The following CCDC27 variants were observed in gnomAD, a reference collection of about 807,000 sequenced individuals.
CCDC27 encodes the protein coiled-coil domain containing 27, also known as coiled-coil domain-containing protein 27.
A neutral mutation model predicts 80.3 loss-of-function variants in CCDC27; 80 were observed. That is an observed-to-expected ratio of 1.00 (90% CI 0.83 to 1.20). The LOEUF is 1.20. Among genes scored for constraint, CCDC27 ranks in the 50% most tolerant of loss-of-function variants. CCDC27 has a pLI of 0.00. For missense variants in CCDC27, 815 were observed against 809.4 expected (o/e 1.01, Z -0.08); for synonymous variants, 342 against 334.3 (o/e 1.02, Z -0.25).
chr1:3,758,846 C>T (rs574755961), intron 4 of CCDC27, among the ~76,000 whole-genome samples: 1 of 152,298 alleles, frequency 6.6e-6, no homozygotes, highest in Admixed American at 6.5e-5. Flanking sequence ...ATCCTCTTGC[C>T]TCAGCCTCCC....
At chr1:3,762,907 C>A in intron 6 of CCDC27, 195 bp downstream of exon 6, 1 of 792,952 alleles carries the variant, frequency 1.3e-6, no homozygotes, top group Non-Finnish European at 1.9e-6. Flanking sequence ...AGTCTACTGA[C>A]AGAGGGAGGA....
chr1:3,755,169 T>C (rs1356287341), intron 2 of CCDC27, among the ~76,000 whole-genome samples: 3 of 152,200 alleles, frequency 2.0e-5, no homozygotes, highest in South Asian at 2.1e-4. Flanking sequence ...GTTCGACTTT[T>C]AGGAGGCACA....
chr1:3,756,458 G>A (rs534628695), intron 3 of CCDC27: 3 of 310,542 alleles, frequency 9.7e-6, no homozygotes, highest in South Asian at 4.3e-5. Context: ...GCTCCGGCTC[G>A]TTTGTCCTGG....
At chr1:3,755,420 G>A (rs188316772) in intron 2 of CCDC27, 37 bp from the exon 3 acceptor site, 48 of 1,538,896 alleles carry the variant, frequency 3.1e-5, no homozygotes, top group African/African-American at 8.2e-5. Context: ...AGACAAGACC[G>A]CAGCAGTCAC....
Position 3,766,902 on chromosome 1 carries a change from G to A in CCDC27, c.1530+290G>A, listed in dbSNP as rs540101905. On this transcript the variant is annotated intron_variant, in intron 9 of 11. Coordinates refer to ENST00000294600, the MANE Select transcript of CCDC27 (RefSeq NM_152492.3). The surrounding 1 kb of genome is among the most constrained non-coding windows in gnomAD (Gnocchi z 6.1). Reference sequence around the variant, plus strand: ...CGTCACCAGGCTGGAGTGCAGTGGTGTGATCTCAGCTCACTGCAACCTCCG... The same window carrying A: ...CGTCACCAGGCTGGAGTGCAGTGGTATGATCTCAGCTCACTGCAACCTCCG... 7.0e-6 allele frequency among the ~76,000 whole-genome samples: 1 copy of A among 143,264 alleles called. No individual in the cohort carries two copies. The highest frequency in any genetic ancestry group is 2.3e-4 in the South Asian group (1 of 4,424). 94.0% of individuals were successfully genotyped at this position (143,264 alleles called of 152,430 possible). A position where few individuals can be genotyped will look rare whatever the true frequency, so the allele number is the denominator to read the frequency against.
In CCDC27 at chr1:3,766,588, A is replaced by T. The variant is rs1230989514; in HGVS notation, c.1506A>T (p.Glu502Asp). 2.5e-6 allele frequency: 4 copies of T among 1,613,812 alleles called. No homozygotes were observed. The change falls in exon 9 of 12, where the codon GAA becomes GAT. Residue 502 changes from glutamate (E) to aspartate (D), a missense_variant. Transcript: ENST00000294600. This position sits in a 1 kb window ranked among gnomAD's most constrained non-coding sequence, Gnocchi z 6.1. ...ACCAAGAGATGATGGGGCTCATTGA[A>T]AAGGACAACCAGCTCCTCCGACAGG... ...KKHQEMMGLI[E>D]KDNQLLRQQV...
chr1:3,756,857 G>C lies in CCDC27; in HGVS notation c.678G>C (p.Arg226Ser). The change falls in exon 4 of 12, where the codon AGG (arginine) becomes AGC (serine). Residue 226 changes from arginine (R) to serine (S), a missense_variant. Transcript: ENST00000294600. Reference protein sequence around the residue: ...SVASQSCLRKRMPWYLSVIHE... With the variant: ...SVASQSCLRKSMPWYLSVIHE... ...CATCTCAGAGCTGCCTGAGAAAGAG[G>C]ATGCCCTGGTACCTCTCAGTCATCC... is the stretch of plus-strand genomic sequence containing the variant. 6.2e-7 allele frequency: 1 copy of C among 1,613,700 alleles called. No individual in the cohort carries two copies.
In CCDC27 at chr1:3,771,466, C is replaced by T. The variant is rs3737592; in HGVS notation, c.1914C>T (p.Pro638=). The change falls in exon 12 of 12, where the codon CCC becomes CCT. Residue 638 remains proline, a synonymous_variant. Transcript: ENST00000294600. ...AGCAGAAAGGCGTCAAAGTGCCCCCCCTGCAACAGTCAGAGGCCTTCCTGA... is the reference window on the plus strand; with the variant it reads ...AGCAGAAAGGCGTCAAAGTGCCCCCTCTGCAACAGTCAGAGGCCTTCCTGA... The part of the protein sequence containing the change: ...QLKQKGVKVP[P]LQQSEAFLTS... The T allele has an allele frequency of 3.3e-4, 525 of 1,613,974 alleles. No homozygotes were observed. Among genetic ancestry groups the T allele is most frequent in the Non-Finnish European group, 4.2e-4 (496 of 1,179,978 alleles).
At chr1:3,767,501 C>T in intron 10 of CCDC27, 56 bp downstream of exon 10, 2 of 1,485,442 alleles carry the variant, frequency 1.3e-6, no homozygotes, top group Non-Finnish European at 1.8e-6. Flanking sequence ...GCCGAGCACC[C>T]AGGCCTCTGC....
Position 3,766,134 on chromosome 1 carries a change from G to T in CCDC27, c.1453-401G>T. 6.6e-6 allele frequency among the ~76,000 whole-genome samples: 1 copy of T among 152,170 alleles called. No homozygotes were observed. The highest frequency in any genetic ancestry group is 6.5e-5 in the Admixed American group (1 of 15,274). On this transcript the variant is annotated intron_variant, in intron 8 of 11. Transcript: ENST00000294600. The surrounding 1 kb of genome is among the most constrained non-coding windows in gnomAD (Gnocchi z 6.1). ...ACCCACCTCAGCCTTCTAAAGTGCT[G>T]GGATTACAGGTGTGAGCCACTGCAC...
chr1:3,761,344 C>T lies in CCDC27; in HGVS notation c.775C>T (p.Gln259Ter), dbSNP rs1346707175. The change falls in exon 5 of 12, where the codon CAG (glutamine) becomes TAG (stop). Residue 259 changes from glutamine (Q) to a stop codon, truncating the protein, a stop_gained. Coordinates refer to ENST00000294600, the MANE Select transcript of CCDC27 (RefSeq NM_152492.3). LOFTEE classifies it high-confidence loss of function. This position sits in a 1 kb window ranked among gnomAD's most constrained non-coding sequence, Gnocchi z 5.0. ...GAAAGACGAGGAGATCCTGCTGCTCCAGGAGGAGAGGGAGGCCCTGAAGAT... is the reference window on the plus strand; with the variant it reads ...GAAAGACGAGGAGATCCTGCTGCTCTAGGAGGAGAGGGAGGCCCTGAAGAT... Reference protein sequence around the residue: ...QKKDEEILLLQEEREALKMQL... With the variant: ...QKKDEEILLL The T allele has an allele frequency of 1.2e-6, 2 of 1,614,160 alleles. No homozygotes were observed. Among genetic ancestry groups the T allele is most frequent in the Non-Finnish European group, 1.7e-6 (2 of 1,180,040 alleles).
chr1:3,760,118 CCCTT>C lies in CCDC27; in HGVS notation c.712-1160_712-1157del, dbSNP rs1183205376. Among the ~76,000 whole-genome samples the C allele has an allele frequency of 1.3e-5, 2 of 152,208 alleles. No homozygotes were observed. The highest frequency in any genetic ancestry group is 2.9e-5 in the Non-Finnish European group (2 of 68,036). The stretch of plus-strand genomic sequence containing the variant: ...GCAGCTCTAACAGGAAATCGGATCT[CCCTT>C]CCAGCAGTCCTTGCACTATTTTGAG... On this transcript the variant is annotated intron_variant, in intron 4 of 11. Transcript: ENST00000294600. The surrounding 1 kb of genome is among the most constrained non-coding windows in gnomAD (Gnocchi z 4.3).
chr1:3,761,067 C>T lies in CCDC27; in HGVS notation c.712-214C>T, dbSNP rs1643072557. Among the ~76,000 whole-genome samples, 1 of 152,180 alleles carries T rather than the reference C, an allele frequency of 6.6e-6. No homozygotes were observed. Among genetic ancestry groups the T allele is most frequent in the Non-Finnish European group, 1.5e-5 (1 of 68,032 alleles). On this transcript the variant is annotated intron_variant, in intron 4 of 11. Transcript: ENST00000294600. This position sits in a 1 kb window ranked among gnomAD's most constrained non-coding sequence, Gnocchi z 5.0. ...GATGGGTGCAGAGGCGCTGGAGGTGCCAGGCATGGCTGCAGTAAAGAGCTG... is the reference window on the plus strand; with the variant it reads ...GATGGGTGCAGAGGCGCTGGAGGTGTCAGGCATGGCTGCAGTAAAGAGCTG...
At position 3,768,348 on chromosome 1, in the gene CCDC27, T is replaced by TG. The variant is rs1643283549; in HGVS notation, c.1743+905dup. 6.6e-6 allele frequency among the ~76,000 whole-genome samples: 1 copy of TG among 152,144 alleles called. No homozygotes were observed. The highest frequency in any genetic ancestry group is 1.5e-5 in the Non-Finnish European group (1 of 68,036). The stretch of plus-strand genomic sequence containing the variant: ...CTGGGCTCCAGCAATCTGCCTGCCT[T>TG]GGCCTCCCGAAGTGTTGGGAATACA... On this transcript the variant is annotated intron_variant, in intron 10 of 11. Coordinates refer to ENST00000294600, the MANE Select transcript of CCDC27 (RefSeq NM_152492.3). The surrounding 1 kb of genome is among the most constrained non-coding windows in gnomAD (Gnocchi z 5.6).
chr1:3,763,185 A>AGG lies in CCDC27; in HGVS notation c.1035_1036dup (p.Glu346GlyfsTer15). 6.6e-7 allele frequency: 1 copy of AGG among 1,511,620 alleles called. No individual in the cohort carries two copies. Among genetic ancestry groups the AGG allele is most frequent in the Non-Finnish European group, 8.9e-7 (1 of 1,127,012 alleles). The allele number at this position is 1,511,620 out of a possible 1,614,324, so 93.6% of individuals were successfully genotyped here. A position where few individuals can be genotyped will look rare whatever the true frequency, so the allele number is the denominator to read the frequency against. ...GTGGCGAGGAGGACGAGGGCCTGGA[A>AGG]GGGGAGCCCGATGGGGTGGAGGACA... On this transcript the variant is annotated frameshift_variant, in exon 7 of 12. Transcript: ENST00000294600. LOFTEE classifies it high-confidence loss of function. This position sits in a 1 kb window ranked among gnomAD's most constrained non-coding sequence, Gnocchi z 7.5.
In CCDC27 at chr1:3,767,141, C is replaced by T. The variant is rs924589487; in HGVS notation, c.1531-92C>T. On this transcript the variant is annotated intron_variant, in intron 9 of 11. Coordinates refer to ENST00000294600, the MANE Select transcript of CCDC27 (RefSeq NM_152492.3). Reference sequence around the variant, plus strand: ...GGCGTGAGCCACTGCACCTGGCCGCCGGCCATCTTTTAGGAAAAAGTGGAT... The same window carrying T: ...GGCGTGAGCCACTGCACCTGGCCGCTGGCCATCTTTTAGGAAAAAGTGGAT... The T allele has an allele frequency of 2.3e-5, 28 of 1,211,346 alleles. 2 individuals carry two copies. The highest frequency in any genetic ancestry group is 2.2e-4 in the Admixed American group (11 of 49,576). The allele number at this position is 1,211,346 out of a possible 1,614,324, so 75.0% of individuals were successfully genotyped here.
rs141829820 is a variant in CCDC27, at chr1:3,768,508, C to G, written c.1743+1063C>G. 6.0e-4 allele frequency among the ~76,000 whole-genome samples: 91 copies of G among 152,282 alleles called. No homozygotes were observed. Among genetic ancestry groups the G allele is most frequent in the Admixed American group, 1.2e-3 (19 of 15,290 alleles). Reference sequence around the variant, plus strand: ...ACTGCAACTCAACTGCGTCCTCTTTCCTGCTTGAGTCCACCTCCTTCCGGC... The same window carrying G: ...ACTGCAACTCAACTGCGTCCTCTTTGCTGCTTGAGTCCACCTCCTTCCGGC... On this transcript the variant is annotated intron_variant, in intron 10 of 11. Coordinates refer to ENST00000294600, the MANE Select transcript of CCDC27 (RefSeq NM_152492.3). This position sits in a 1 kb window ranked among gnomAD's most constrained non-coding sequence, Gnocchi z 5.6.
chr1:3,752,608 C>A lies in CCDC27; in HGVS notation c.127C>A (p.Arg43Ser), dbSNP rs41315312. Reference sequence around the variant, plus strand: ...AAGCTCACTTGGTCTTTGCATCCCACGCCTCATGTTACCTAAGGAGGCCAG... The same window carrying A: ...AAGCTCACTTGGTCTTTGCATCCCAAGCCTCATGTTACCTAAGGAGGCCAG... ...QQSSLGLCIP[R>S]LMLPKEASPS... Residue 43 changes from arginine (R) to serine (S), a missense_variant, in exon 1 of 12, where the codon CGC (arginine) becomes AGC (serine). Physicochemically the swap from Arg to Ser is moderately radical, Grantham distance 110. Coordinates refer to ENST00000294600, the MANE Select transcript of CCDC27 (RefSeq NM_152492.3). 6 of 1,614,062 alleles carry A rather than the reference C, an allele frequency of 3.7e-6. No individual in the cohort carries two copies. In the Admixed American group the frequency reaches 5.0e-5, roughly 13 times the overall value.
At chr1:3,754,020 C>T (rs575514090) in intron 1 of CCDC27, 98 bp from the exon 2 acceptor site, 326 of 1,520,174 alleles carry the variant, frequency 2.1e-4, no homozygotes, top group Non-Finnish European at 2.6e-4. Flanking sequence ...GCCATTGGGG[C>T]GATTTGTGAT....
Sources: gnomAD v4.1 joint callset for allele counts (sites outside exome capture counted in the v4.1 genomes callset) on GRCh38, gnomAD v4.1.1 for gene constraint, Gnocchi (gnomAD v3.1) non-coding constraint, MANE v1.5 for transcripts, NCBI Gene and HGNC (gene_info 2026-07-23, HGNC 2026-07-21) for gene names.